THSD1: variants seen among roughly 807,000 people sequenced by gnomAD.
THSD1 encodes thrombospondin type-1 domain-containing protein 1.
THSD1 carries 34 observed loss-of-function variants against 46.3 expected under a neutral mutation model. That is an observed-to-expected ratio of 0.74 (90% CI 0.56 to 0.98). The LOEUF is 0.98. Ranked by LOEUF, THSD1 falls within the 50% of genes least tolerant of loss-of-function variation. The pLI is 0.00. For synonymous variants in THSD1, 407 were observed against 416.5 expected, an observed-to-expected ratio of 0.98 and a Z score of 0.28; for missense variants, 1,023 against 1,058.3, an observed-to-expected ratio of 0.97 and a Z score of 0.46.
chr13:52,378,440 G>A lies in THSD1; in HGVS notation c.1530C>T (p.Ala510=), dbSNP rs9536042. The change falls in exon 5 of 5, where the codon GCC becomes GCT. Residue 510 remains alanine (A), a synonymous_variant. Transcript: ENST00000258613. ...RSGPVPPEDD[A]SGSESFQSNA... The stretch of plus-strand genomic sequence containing the variant: ...TGGACTGGAAGCTCTCGCTGCCAGA[G>A]GCATCATCCTCGGGAGGTACCGGCC... 85,943 of 1,614,110 alleles carry A rather than the reference G, an allele frequency of 0.053. 2,818 individuals carry two copies. The highest frequency in any genetic ancestry group is 0.14 in the African/African-American group (10,314 of 75,018).
At chr13:52,384,637 C>T (rs1266490252) in intron 4 of THSD1, among the ~76,000 whole-genome samples, 4 of 152,178 alleles carry the variant, frequency 2.6e-5, no homozygotes, top group African/African-American at 4.8e-5. Flanking sequence ...AATATTGTCA[C>T]ATATAAAAGA....
intron 3 of THSD1, among the ~76,000 whole-genome samples, chr13:52,390,882 TA>T (rs1228181572): frequency 6.6e-6 from 1 of 152,004 alleles, no homozygotes; most frequent in Non-Finnish European, 1.5e-5. Context: ...AAACTAAAAA[TA>T]AAAATTCCAC....
At chr13:52,391,418 A>G (rs1024366822) in intron 3 of THSD1, among the ~76,000 whole-genome samples, 1 of 151,822 alleles carries the variant, frequency 6.6e-6, no homozygotes, top group South Asian at 2.1e-4. Context: ...GGTTTTTGCT[A>G]TGTTGCCCAG....
chr13:52,392,108 C>T (rs539813904), intron 3 of THSD1, among the ~76,000 whole-genome samples: 189 of 143,196 alleles, frequency 1.3e-3, no homozygotes, highest in South Asian at 3.8e-3. Context: ...AGGAGAATGG[C>T]GTTAACCCAG....
chr13:52,401,264 C>T (rs1388919031), intron 2 of THSD1, among the ~76,000 whole-genome samples: 1 of 151,912 alleles, frequency 6.6e-6, no homozygotes, highest in Non-Finnish European at 1.5e-5. Context: ...TGAGCCACTG[C>T]ATCCAGCCAG....
At chr13:52,405,679 A>G (rs953628785) in intron 1 of THSD1, among the ~76,000 whole-genome samples, 1 of 152,144 alleles carries the variant, frequency 6.6e-6, no homozygotes, top group Non-Finnish European at 1.5e-5. Flanking sequence ...ATTTAATTTA[A>G]TCCTTGTATT....
chr13:52,386,493 C>T (rs758476053), intron 3 of THSD1, among the ~76,000 whole-genome samples: 1 of 152,064 alleles, frequency 6.6e-6, no homozygotes, highest in Non-Finnish European at 1.5e-5. Flanking sequence ...TCTTGTTTAC[C>T]AGGGGCAGAC....
In THSD1 at chr13:52,397,336, G is replaced by A. The variant is rs1699384565; in HGVS notation, c.917C>T (p.Thr306Ile). 1.9e-6 allele frequency: 3 copies of A among 1,614,050 alleles called. No individual in the cohort carries two copies. In the African/African-American group the frequency reaches 4.0e-5, roughly 22 times the overall value. Residue 306 changes from threonine (T) to isoleucine (I), a missense_variant, in exon 3 of 5, where the codon ACT becomes ATT. By Grantham distance (89) the Thr-to-Ile change is moderately conservative. Transcript: ENST00000258613. ...CTTATTCTTCCCCATGTCAAACAAA[G>A]TACAGTTAAAAATTGTCCTCCTCTC... is the stretch of plus-strand genomic sequence containing the variant. Reference protein sequence around the residue: ...LGERRTIFNCTLFDMGKNKYC... With the variant: ...LGERRTIFNCILFDMGKNKYC...
In THSD1 at chr13:52,378,186, G is replaced by A. The variant is rs1287434347; in HGVS notation, c.1784C>T (p.Pro595Leu). 1.3e-5 allele frequency: 21 copies of A among 1,614,082 alleles called. No homozygotes were observed. Among genetic ancestry groups the A allele is most frequent in the Non-Finnish European group, 1.7e-5 (20 of 1,180,056 alleles). ...FRIKSPFPEQ[P>L]AVSAGERPPS... ...AGGCCTTTCCCCGGCACTGACCGCG[G>A]GCTGCTCCGGAAATGGGGATTTGAT... Residue 595 changes from proline to leucine, a missense_variant, in exon 5 of 5, where the codon CCC becomes CTC. Physicochemically the swap from Pro to Leu is moderately conservative, Grantham distance 98. Transcript: ENST00000258613.
intron 3 of THSD1, among the ~76,000 whole-genome samples, chr13:52,392,592 C>A (rs1176043244): frequency 6.6e-6 from 1 of 152,210 alleles, no homozygotes; most frequent in Non-Finnish European, 1.5e-5. Flanking sequence ...CCTGTTTGTC[C>A]AGGCTAAATG....
At chr13:52,399,230 C>A (rs1957834272) in intron 2 of THSD1, among the ~76,000 whole-genome samples, 3 of 152,314 alleles carry the variant, frequency 2.0e-5, no homozygotes, top group Middle Eastern at 3.4e-3. Flanking sequence ...CCCAGCAGAG[C>A]AGCCTAAGTG....
intron 3 of THSD1, among the ~76,000 whole-genome samples, chr13:52,391,997 C>A (rs1328383475): frequency 6.6e-6 from 1 of 151,714 alleles, no homozygotes; most frequent in African/African-American, 2.4e-5. Context: ...TCGAGACCAT[C>A]CTGGCTAACA....
chr13:52,401,209 G>A (rs752127996), intron 2 of THSD1, among the ~76,000 whole-genome samples: 4 of 152,130 alleles, frequency 2.6e-5, no homozygotes, highest in East Asian at 1.9e-4. Flanking sequence ...TCTTGACCTC[G>A]TGATCTGCCC....
chr13:52,378,365 C>T lies in THSD1; in HGVS notation c.1605G>A (p.Gln535=). The stretch of plus-strand genomic sequence containing the variant: ...CTTTCTTTTTCATCTCCTTTAACTG[C>T]TGCTGGGCAAGGCGGTAGCTGAACA... ...PPLFSYRLAQ[Q]QLKEMKKKGL... The change falls in exon 5 of 5, where the codon CAG becomes CAA. Residue 535 remains glutamine (Q), a synonymous_variant. Coordinates refer to ENST00000258613, the MANE Select transcript of THSD1 (RefSeq NM_018676.4). 6.2e-7 allele frequency: 1 copy of T among 1,614,106 alleles called. No individual in the cohort carries two copies. Among genetic ancestry groups the T allele is most frequent in the Non-Finnish European group, 8.5e-7 (1 of 1,180,038 alleles).
At position 52,406,063 on chromosome 13, in the gene THSD1, G is replaced by T. The variant is rs1020319060; in HGVS notation, c.-114C>A. ...GACTGACGGGCAGCAACCCCAGGCC[G>T]TCCGGGCGCGTGGCGAGGCGGACGG... is the stretch of plus-strand genomic sequence containing the variant. On this transcript the variant is annotated 5_prime_UTR_variant, in exon 1 of 5. Transcript: ENST00000258613. 3 of 152,340 alleles carry T rather than the reference G, an allele frequency of 2.0e-5. No homozygotes were observed. The highest frequency in any genetic ancestry group is 7.2e-5 in the African/African-American group (3 of 41,466). 9.4% of individuals were successfully genotyped at this position (152,340 alleles called of 1,614,324 possible). A position where few individuals can be genotyped will look rare whatever the true frequency, so the allele number is the denominator to read the frequency against.
intron 2 of THSD1, 86 bp downstream of exon 2, chr13:52,402,457 G>A (rs1957871335): frequency 7.4e-7 from 1 of 1,355,520 alleles, no homozygotes; most frequent in Non-Finnish European, 1.0e-6. Context: ...CCTCCTTCAG[G>A]AAGAGTCATC....
At chr13:52,405,348 A>T (rs1046677034) in intron 1 of THSD1, among the ~76,000 whole-genome samples, 5 of 152,260 alleles carry the variant, frequency 3.3e-5, no homozygotes, top group African/African-American at 1.2e-4. Context: ...GGGACCAATG[A>T]TTCGTGAAAG....
intron 4 of THSD1, among the ~76,000 whole-genome samples, chr13:52,383,214 C>T (rs1187273302): frequency 6.6e-6 from 1 of 152,176 alleles, no homozygotes; most frequent in Non-Finnish European, 1.5e-5. Flanking sequence ...ACCACAGTCA[C>T]AGCAACTTGC....
intron 1 of THSD1, among the ~76,000 whole-genome samples, chr13:52,404,057 C>G (rs2137752906): frequency 6.7e-6 from 1 of 149,674 alleles, no homozygotes; most frequent in Non-Finnish European, 1.5e-5. Context: ...AAGTGATTGT[C>G]CCACCTCAGG....
Sources: gnomAD v4.1 joint callset for allele counts (sites outside exome capture counted in the v4.1 genomes callset) on GRCh38, gnomAD v4.1.1 for gene constraint, MANE v1.5 for transcripts, NCBI Gene and HGNC (gene_info 2026-07-23, HGNC 2026-07-21) for gene names.